Variants in AKAP1 observed in about 807,000 individuals in gnomAD.
The protein encoded by AKAP1 is A-kinase anchor protein 1, mitochondrial.
Under a neutral mutation model 79.8 loss-of-function variants are expected in AKAP1, and 32 were observed. That is an observed-to-expected ratio of 0.40 (90% CI 0.30 to 0.54). The LOEUF is 0.54. AKAP1 is among the 20% of genes least tolerant of loss of function. The probability of loss-of-function intolerance (pLI) is 0.47; values close to 1 mark genes in which losing one functional copy is unlikely to be tolerated. For synonymous variants in AKAP1, 416 were observed against 466.7 expected (o/e 0.89, Z 1.40); for missense variants, 961 against 1,138.9 (o/e 0.84, Z 2.25).
intron 5 of AKAP1, among the ~76,000 whole-genome samples, chr17:57,112,950 G>A (rs1410590019): frequency 6.6e-6 from 1 of 152,068 alleles, no homozygotes; most frequent in Non-Finnish European, 1.5e-5. Flanking sequence ...GGTGTGTCCA[G>A]GGTCGCCGTT....
intron 3 of AKAP1, 119 bp from the exon 4 acceptor site, chr17:57,111,679 T>A: frequency 7.9e-7 from 1 of 1,267,566 alleles, no homozygotes; most frequent in Non-Finnish European, 1.1e-6. Context: ...AAATAAATGC[T>A]GACATGGTAA....
chr17:57,116,065 C>G, intron 6 of AKAP1, 46 bp from the exon 7 acceptor site: 1 of 1,593,064 alleles, frequency 6.3e-7, no homozygotes, highest in Non-Finnish European at 8.5e-7. Flanking sequence ...CCTTGGTGCC[C>G]TGCCCTGGCC....
intron 1 of AKAP1, among the ~76,000 whole-genome samples, chr17:57,103,142 G>A (rs117123171): frequency 6.6e-6 from 1 of 152,188 alleles, no homozygotes; most frequent in African/African-American, 2.4e-5. Flanking sequence ...TCTTCCCTGA[G>A]GAATTGATGT....
rs1348801755 is a variant in AKAP1, at chr17:57,106,361, T to G, written c.897T>G (p.Gly299=). The G allele has an allele frequency of 6.2e-7, 1 of 1,612,400 alleles. No individual in the cohort carries two copies. Among genetic ancestry groups the G allele is most frequent in the African/African-American group, 1.3e-5 (1 of 74,328 alleles). Residue 299 remains glycine, a synonymous_variant, in exon 2 of 11, where the codon GGT becomes GGG. Coordinates refer to ENST00000337714, the MANE Select transcript of AKAP1 (RefSeq NM_003488.4). ...CAGACGCCAAAGCCCAGGATAGAGGTGTCGAGGGAGAACTGGGCAATGAGG... is the reference window on the plus strand; with the variant it reads ...CAGACGCCAAAGCCCAGGATAGAGGGGTCGAGGGAGAACTGGGCAATGAGG... ...PVADAKAQDR[G]VEGELGNEES...
chr17:57,109,950 T>G, intron 2 of AKAP1, 75 bp from the exon 3 acceptor site: 1 of 1,565,706 alleles, frequency 6.4e-7, no homozygotes, highest in South Asian at 1.2e-5. Flanking sequence ...GAATGTGAGT[T>G]TGGGAAGTTC....
intron 7 of AKAP1, among the ~76,000 whole-genome samples, chr17:57,116,545 C>T (rs981689394): frequency 6.6e-6 from 1 of 152,180 alleles, no homozygotes; most frequent in African/African-American, 2.4e-5. Context: ...GGGAGGGTCA[C>T]TTGAGTGCAG....
At chr17:57,118,639 ATAATC>A (rs1915735014) in intron 9 of AKAP1, among the ~76,000 whole-genome samples, 185 bp downstream of exon 9, 1 of 152,206 alleles carries the variant, frequency 6.6e-6, no homozygotes, top group Non-Finnish European at 1.5e-5. Flanking sequence ...CTGGGACTGA[ATAATC>A]TATAAAGGAA....
At chr17:57,097,814 A>T (rs561825184) in intron 1 of AKAP1, among the ~76,000 whole-genome samples, 16 of 152,320 alleles carry the variant, frequency 1.1e-4, no homozygotes, top group South Asian at 2.1e-4. Flanking sequence ...CGCAAAGTGG[A>T]TGTGGCTTCA....
chr17:57,119,453 C>T (rs1915783550), intron 10 of AKAP1, among the ~76,000 whole-genome samples: 1 of 152,138 alleles, frequency 6.6e-6, no homozygotes, highest in African/African-American at 2.4e-5. Flanking sequence ...GTGGCTCACC[C>T]CTGTAATCCC....
At chr17:57,118,931 A>T in intron 9 of AKAP1, 51 bp from the exon 10 acceptor site, 2 of 1,572,606 alleles carry the variant, frequency 1.3e-6, no homozygotes, top group South Asian at 2.2e-5. Context: ...ATGATATTTG[A>T]GTGGGGACAC....
At chr17:57,088,782 G>T (rs972271996) in intron 1 of AKAP1, among the ~76,000 whole-genome samples, 15 of 152,286 alleles carry the variant, frequency 9.8e-5, no homozygotes, top group Non-Finnish European at 1.8e-4. Flanking sequence ...TTACTAAATG[G>T]TGCAGCCTTG....
chr17:57,097,915 G>T (rs1914224859), intron 1 of AKAP1, among the ~76,000 whole-genome samples: 1 of 152,346 alleles, frequency 6.6e-6, no homozygotes, highest in South Asian at 2.1e-4. Context: ...GTTACATGCG[G>T]CTCTTTTTGC....
chr17:57,110,560 C>G (rs561981875), intron 3 of AKAP1, among the ~76,000 whole-genome samples: 1 of 152,162 alleles, frequency 6.6e-6, no homozygotes, highest in Non-Finnish European at 1.5e-5. Flanking sequence ...AAGCATAAAT[C>G]CATATTTTAG....
In AKAP1 at chr17:57,121,253, C is replaced by G. The variant is rs1404757052; in HGVS notation, c.*929C>G. 1 of 151,676 alleles carries G rather than the reference C, an allele frequency of 6.6e-6. No homozygotes were observed. The highest frequency in any genetic ancestry group is 2.1e-4 in the South Asian group (1 of 4,808). 9.4% of individuals were successfully genotyped at this position (151,676 alleles called of 1,614,324 possible). Reference sequence around the variant, plus strand: ...AAAAGTAACTCATTGAATTAACTTGCAGTGGTGTGTTTGATTCTTTTTTAG... The same window carrying G: ...AAAAGTAACTCATTGAATTAACTTGGAGTGGTGTGTTTGATTCTTTTTTAG... On this transcript the variant is annotated 3_prime_UTR_variant, in exon 11 of 11. Coordinates refer to ENST00000337714, the MANE Select transcript of AKAP1 (RefSeq NM_003488.4).
chr17:57,100,552 G>T lies in AKAP1; in HGVS notation c.-24-4889G>T, dbSNP rs992766019. Among the ~76,000 whole-genome samples the T allele has an allele frequency of 5.3e-5, 8 of 152,184 alleles. No individual in the cohort carries two copies. The East Asian group carries it at 1.5e-3, about 29-fold the overall frequency. On this transcript the variant is annotated intron_variant, in intron 1 of 10. Coordinates refer to ENST00000337714, the MANE Select transcript of AKAP1 (RefSeq NM_003488.4). ...GAATCACTTGAACCTAGGAGGCAGA[G>T]GTTGCTGTAAGCCGAGATCGTGCCC... is the stretch of plus-strand genomic sequence containing the variant.
chr17:57,086,576 C>A lies in AKAP1; in HGVS notation c.-25+1178C>A, dbSNP rs767178679. The A allele has an allele frequency of 1.7e-4, 66 of 381,578 alleles. No individual in the cohort carries two copies. The highest frequency in any genetic ancestry group is 2.7e-4 in the Admixed American group (8 of 29,254). The allele number at this position is 381,578 out of a possible 1,614,324, so 23.6% of individuals were successfully genotyped here. On this transcript the variant is annotated intron_variant, in intron 1 of 10. Coordinates refer to ENST00000337714, the MANE Select transcript of AKAP1 (RefSeq NM_003488.4). This position sits in a 1 kb window ranked among gnomAD's most constrained non-coding sequence, Gnocchi z 5.1. ...CCTCTCAAGCTGGGTAGGGTGTATG[C>A]GCAGGGCAATTAGTGAGGTTAACCT...
In AKAP1 at chr17:57,120,405, TAACA is replaced by T. The variant is rs1243468224; in HGVS notation, c.*86_*89del. Reference sequence around the variant, plus strand: ...CTCAAGTCAAAGATGAACATCGGAATAACAAACATTGTCCTCTCCAGAAAGTCCT... The same window carrying T: ...CTCAAGTCAAAGATGAACATCGGAATAACATTGTCCTCTCCAGAAAGTCCT... On this transcript the variant is annotated 3_prime_UTR_variant, in exon 11 of 11. Transcript: ENST00000337714. 8.0e-7 allele frequency: 1 copy of T among 1,245,128 alleles called. No homozygotes were observed. The highest frequency in any genetic ancestry group is 1.5e-5 in the African/African-American group (1 of 66,618). 77.1% of individuals were successfully genotyped at this position (1,245,128 alleles called of 1,614,324 possible).
intron 1 of AKAP1, among the ~76,000 whole-genome samples, chr17:57,090,218 A>C (rs1913698662): frequency 6.6e-6 from 1 of 152,136 alleles, no homozygotes; most frequent in South Asian, 2.1e-4. Context: ...GAACCCTGCT[A>C]GATTGACCTT....
intron 7 of AKAP1, 105 bp downstream of exon 7, chr17:57,116,366 T>G: frequency 7.1e-7 from 1 of 1,407,932 alleles, no homozygotes; most frequent in Non-Finnish European, 9.9e-7. Flanking sequence ...GGGTTACTTC[T>G]TCCCTCCTGC....
Sources: gnomAD v4.1 joint callset for allele counts (sites outside exome capture counted in the v4.1 genomes callset) on GRCh38, gnomAD v4.1.1 for gene constraint, Gnocchi (gnomAD v3.1) non-coding constraint, MANE v1.5 for transcripts, NCBI Gene and HGNC (gene_info 2026-07-23, HGNC 2026-07-21) for gene names.